The following MAP3K21 variants were observed in gnomAD, a reference collection of about 807,000 sequenced individuals.
The protein encoded by MAP3K21 is mitogen-activated protein kinase kinase kinase MLK4.
Under a neutral mutation model 86.1 loss-of-function variants are expected in MAP3K21, and 63 were observed. That is an observed-to-expected ratio of 0.73 (90% CI 0.60 to 0.90). MAP3K21 has a LOEUF of 0.90. Among genes scored for constraint, MAP3K21 ranks in the 40% least tolerant of loss-of-function variants. The pLI is 0.00. For synonymous variants in MAP3K21, 558 were observed against 564.8 expected (o/e 0.99, Z 0.17); for missense variants, 1,220 against 1,367.7 (o/e 0.89, Z 1.70).
At chr1:233,350,079 C>T (rs895176099) in intron 2 of MAP3K21, among the ~76,000 whole-genome samples, 1 of 152,134 alleles carries the variant, frequency 6.6e-6, no homozygotes, top group African/African-American at 2.4e-5. Context: ...CTAATTAGCT[C>T]AAGTCCCTGA....
At chr1:233,371,328 A>AACCAGGACTCATTAT (rs1233655345) in intron 5 of MAP3K21, among the ~76,000 whole-genome samples, 3 of 152,092 alleles carry the variant, frequency 2.0e-5, no homozygotes, top group African/African-American at 7.2e-5. Flanking sequence ...GACTCATTTA[A>AACCAGGACTCATTAT]ATCCAGGGCC....
At chr1:233,356,333 T>C (rs1244169963) in intron 4 of MAP3K21, among the ~76,000 whole-genome samples, 1 of 152,226 alleles carries the variant, frequency 6.6e-6, no homozygotes, top group African/African-American at 2.4e-5. Context: ...TTCATTTGCA[T>C]ACACAGCATT....
chr1:233,372,395 C>G (rs1002460948), intron 6 of MAP3K21: 1 of 449,744 alleles, frequency 2.2e-6, no homozygotes, highest in Non-Finnish European at 3.9e-6. Flanking sequence ...GCGACCTGGC[C>G]CCGGAGTAGA....
At chr1:233,363,471 G>A (rs1663506268) in intron 5 of MAP3K21, among the ~76,000 whole-genome samples, 1 of 152,066 alleles carries the variant, frequency 6.6e-6, no homozygotes, top group South Asian at 2.1e-4. Context: ...GCTGAGGTGG[G>A]TGGATCACCT....
At chr1:233,358,797 A>AAC (rs1663413049) in intron 4 of MAP3K21, among the ~76,000 whole-genome samples, 2 of 151,822 alleles carry the variant, frequency 1.3e-5, no homozygotes, top group African/African-American at 4.8e-5. Context: ...CCTGTCTCAA[A>AAC]AAAAAAAATT....
chr1:233,355,955 C>G (rs1049667084), intron 4 of MAP3K21, among the ~76,000 whole-genome samples: 1 of 152,124 alleles, frequency 6.6e-6, no homozygotes, highest in African/African-American at 2.4e-5. Flanking sequence ...ATGTTCACTC[C>G]CTTTCTCCTC....
At chr1:233,377,552 G>A (rs1346385482) in intron 8 of MAP3K21, among the ~76,000 whole-genome samples, 1 of 152,102 alleles carries the variant, frequency 6.6e-6, no homozygotes, top group African/African-American at 2.4e-5. Context: ...AGGCACCACA[G>A]GGAAGAGCAC....
intron 5 of MAP3K21, among the ~76,000 whole-genome samples, chr1:233,367,877 A>T (rs1663609198): frequency 6.8e-6 from 1 of 147,760 alleles, no homozygotes; most frequent in Non-Finnish European, 1.5e-5. Context: ...AAAAAAAAAG[A>T]ATGTTTTCTT....
chr1:233,373,945 C>A (rs1453615529), intron 6 of MAP3K21: 3 of 152,218 alleles, frequency 2.0e-5, no homozygotes, highest in Non-Finnish European at 4.4e-5. Context: ...GGTGAGGAGA[C>A]TAAAGCCGAG....
At chr1:233,351,857 C>T (rs1402457233) in intron 2 of MAP3K21, among the ~76,000 whole-genome samples, 1 of 152,006 alleles carries the variant, frequency 6.6e-6, no homozygotes, top group Non-Finnish European at 1.5e-5. Flanking sequence ...AAAAGGAAAC[C>T]AAATATGACT....
intron 1 of MAP3K21, among the ~76,000 whole-genome samples, chr1:233,340,958 A>G (rs1051684946): frequency 6.6e-6 from 1 of 152,188 alleles, no homozygotes; most frequent in Non-Finnish European, 1.5e-5. Flanking sequence ...TTAAAAATAT[A>G]CATTATATAC....
At chr1:233,368,702 G>A (rs1663626599) in intron 5 of MAP3K21, among the ~76,000 whole-genome samples, 1 of 151,180 alleles carries the variant, frequency 6.6e-6, no homozygotes. Context: ...CCTCCCATTT[G>A]GTCTTTCCTT....
At position 233,328,444 on chromosome 1, in the gene MAP3K21, A is replaced by G; in HGVS notation, c.416A>G (p.Tyr139Cys). 6.7e-7 allele frequency: 1 copy of G among 1,494,654 alleles called. No homozygotes were observed. Among genetic ancestry groups the G allele is most frequent in the Non-Finnish European group, 8.8e-7 (1 of 1,131,650 alleles). 92.6% of individuals were successfully genotyped at this position (1,494,654 alleles called of 1,614,324 possible). A position where few individuals can be genotyped will look rare whatever the true frequency, so the allele number is the denominator to read the frequency against. Residue 139 changes from tyrosine to cysteine, a missense_variant, in exon 1 of 10, where the codon TAC becomes TGC. Physicochemically the swap from Tyr to Cys is radical, Grantham distance 194 (BLOSUM62 -2). Transcript: ENST00000366624. This position sits in a 1 kb window ranked among gnomAD's most constrained non-coding sequence, Gnocchi z 8.7. ...LIGAGGFGQV[Y>C]RATWQGQEVA... Reference sequence around the variant, plus strand: ...GGCGCTGGGGGCTTCGGGCAGGTGTACCGCGCCACCTGGCAGGGCCAGGAG... The same window carrying G: ...GGCGCTGGGGGCTTCGGGCAGGTGTGCCGCGCCACCTGGCAGGGCCAGGAG...
chr1:233,355,752 G>T (rs1161081733), intron 4 of MAP3K21, among the ~76,000 whole-genome samples: 1 of 151,952 alleles, frequency 6.6e-6, no homozygotes, highest in Non-Finnish European at 1.5e-5. Context: ...GTGTTCCTGT[G>T]GTCTTCTGTG....
intron 9 of MAP3K21, 145 bp downstream of exon 9, chr1:233,379,855 C>A: frequency 3.1e-6 from 2 of 652,842 alleles, no homozygotes; most frequent in Admixed American, 3.0e-5. Context: ...TGAACCTTAC[C>A]CTTCTCTTAT....
At chr1:233,345,227 T>A (rs140840564) in intron 1 of MAP3K21, among the ~76,000 whole-genome samples, 37,747 of 152,046 alleles carry the variant, frequency 0.25, 5,431 homozygotes, top group East Asian at 0.41. Context: ...CAATCCCATT[T>A]CTGGGTATAT....
chr1:233,382,965 C>T lies in MAP3K21; in HGVS notation c.*254C>T. 2.7e-6 allele frequency: 1 copy of T among 365,284 alleles called. No homozygotes were observed. The highest frequency in any genetic ancestry group is 5.0e-6 in the Non-Finnish European group (1 of 198,828). The allele number at this position is 365,284 out of a possible 1,614,324, so 22.6% of individuals were successfully genotyped here. A position where few individuals can be genotyped will look rare whatever the true frequency, so the allele number is the denominator to read the frequency against. On this transcript the variant is annotated 3_prime_UTR_variant, in exon 10 of 10. Transcript: ENST00000366624. Reference sequence around the variant, plus strand: ...AACAAGAGATGTGCACCAATGAAAACTATGCTGGGTCGAATTACCTTCAGC... The same window carrying T: ...AACAAGAGATGTGCACCAATGAAAATTATGCTGGGTCGAATTACCTTCAGC...
chr1:233,358,735 C>T (rs1243336986), intron 4 of MAP3K21, among the ~76,000 whole-genome samples: 1 of 151,762 alleles, frequency 6.6e-6, no homozygotes, highest in African/African-American at 2.4e-5. Context: ...GTTGAGGCTG[C>T]AGTGAGCTAT....
rs1662721341 is a variant in MAP3K21 at position 233,327,823 on chromosome 1, G to A, written c.-206G>A. The A allele has an allele frequency of 2.7e-6, 1 of 371,202 alleles. No homozygotes were observed. The allele number at this position is 371,202 out of a possible 1,614,324, so 23.0% of individuals were successfully genotyped here. A position where few individuals can be genotyped will look rare whatever the true frequency, so the allele number is the denominator to read the frequency against. On this transcript the variant is annotated 5_prime_UTR_variant, in exon 1 of 10. Transcript: ENST00000366624. ...CGCCCGCGGCTTCGGGGACCGCTGC[G>A]GCAGCAGAGGCGGCTGGCCAGGAAC...
Sources: gnomAD v4.1 joint callset for allele counts (sites outside exome capture counted in the v4.1 genomes callset) on GRCh38, gnomAD v4.1.1 for gene constraint, Gnocchi (gnomAD v3.1) non-coding constraint, MANE v1.5 for transcripts, NCBI Gene and HGNC (gene_info 2026-07-23, HGNC 2026-07-21) for gene names.